Variants in RYR1 observed in about 807,000 individuals in gnomAD.
RYR1 encodes the protein ryanodine receptor 1.
Under a neutral mutation model 583.5 loss-of-function variants are expected in RYR1, and 342 were observed. The observed-to-expected ratio is 0.59, with a 90% confidence interval of 0.54 to 0.64. The LOEUF is 0.64. RYR1 is among the 30% of genes least tolerant of loss of function. RYR1 has a pLI of 0.00. For synonymous variants in RYR1, 2,791 were observed against 2,822.5 expected (o/e 0.99, Z 0.35); for missense variants, 6,032 against 6,917.2 (o/e 0.87, Z 4.54).
At chr19:38,556,526 C>A (rs995868106) in intron 89 of RYR1, among the ~76,000 whole-genome samples, 8 of 151,648 alleles carry the variant, frequency 5.3e-5, no homozygotes, top group Non-Finnish European at 8.8e-5. Flanking sequence ...ATCTAGTACA[C>A]TCAGGATATT....
At chr19:38,544,715 A>G (rs1469470269) in intron 87 of RYR1, among the ~76,000 whole-genome samples, 1 of 151,882 alleles carries the variant, frequency 6.6e-6, no homozygotes, top group African/African-American at 2.4e-5. Context: ...TTAGAATGCA[A>G]TTCCTCCGTG....
chr19:38,502,759 GGGC>G (rs1970208363), intron 48 of RYR1, 32 bp downstream of exon 48: 4 of 586,586 alleles, frequency 6.8e-6, no homozygotes, highest in African/African-American at 3.3e-5. Context: ...GGTGGGGCAG[GGGC>G]AGGGGCAGGG....
At chr19:38,539,095 A>G (rs1294148959) in intron 84 of RYR1, among the ~76,000 whole-genome samples, 1 of 152,166 alleles carries the variant, frequency 6.6e-6, no homozygotes, top group Non-Finnish European at 1.5e-5. Flanking sequence ...ACTGATTTGT[A>G]AATATCTTTA....
At chr19:38,557,288 CCT>C (rs1972922395) in intron 89 of RYR1, among the ~76,000 whole-genome samples, 1 of 152,160 alleles carries the variant, frequency 6.6e-6, no homozygotes, top group African/African-American at 2.4e-5. Context: ...CAGGCACTGC[CCT>C]GGTCCTGAAG....
At chr19:38,489,100 G>C in intron 34 of RYR1, 77 bp from the exon 35 acceptor site, 1 of 1,264,412 alleles carries the variant, frequency 7.9e-7, no homozygotes, top group Non-Finnish European at 1.2e-6. Flanking sequence ...ATGAGGGGCA[G>C]GTCTGGAGAA....
chr19:38,553,759 G>A (rs753470643), intron 89 of RYR1, among the ~76,000 whole-genome samples: 3 of 152,166 alleles, frequency 2.0e-5, no homozygotes, highest in East Asian at 1.9e-4. Context: ...AAGCCCTTTC[G>A]TTAGTTTCTT....
rs189263702 is a variant in RYR1 at position 38,548,246 on chromosome 19, C to T, written c.12108C>T (p.Asn4036=). 3.2e-5 allele frequency: 52 copies of T among 1,614,222 alleles called. No homozygotes were observed. The highest frequency in any genetic ancestry group is 3.5e-5 in the Non-Finnish European group (41 of 1,180,052). ...GGCTGCCTGCAGGGAACGTGGTGAACGGCATGATCGCCCGGCAGATGGTGG... is the reference window on the plus strand; with the variant it reads ...GGCTGCCTGCAGGGAACGTGGTGAATGGCATGATCGCCCGGCAGATGGTGG... ...LLSLLEGNVV[N]GMIARQMVDM... The change falls in exon 89 of 106, where the codon AAC becomes AAT. Residue 4036 remains asparagine, a synonymous_variant. Transcript: ENST00000359596.
intron 89 of RYR1, among the ~76,000 whole-genome samples, chr19:38,560,173 G>A (rs1469766324): frequency 6.6e-6 from 1 of 152,002 alleles, no homozygotes; most frequent in Non-Finnish European, 1.5e-5. Context: ...GGACAAGCCT[G>A]GGCAACATGG....
intron 29 of RYR1, among the ~76,000 whole-genome samples, chr19:38,476,149 A>G (rs1449348638): frequency 6.6e-6 from 1 of 152,028 alleles, no homozygotes; most frequent in Non-Finnish European, 1.5e-5. Flanking sequence ...CAGCCTCCTG[A>G]GCAGCTGGGA....
chr19:38,477,562 A>T, intron 29 of RYR1, 148 bp from the exon 30 acceptor site: 1 of 899,992 alleles, frequency 1.1e-6, no homozygotes. Context: ...AGAAACAGAC[A>T]TAACCAGGGG....
chr19:38,474,048 C>G (rs892702341), intron 28 of RYR1, among the ~76,000 whole-genome samples: 1 of 152,122 alleles, frequency 6.6e-6, no homozygotes, highest in Non-Finnish European at 1.5e-5. Flanking sequence ...AGGGCTTCGC[C>G]CAATGGACCT....
chr19:38,502,744 T>G lies in RYR1; in HGVS notation c.7835+17T>G. On this transcript the variant is annotated intron_variant, in intron 48 of 105. Coordinates refer to ENST00000359596, the MANE Select transcript of RYR1 (RefSeq NM_000540.3). ...GCTCTGCAGGTGGAGCGGGGCAGGC[T>G]TCAGGGTGGGGCAGGGGCAGGGGCA... 7.6e-7 allele frequency: 1 copy of G among 1,318,254 alleles called. No homozygotes were observed. Among genetic ancestry groups the G allele is most frequent in the Non-Finnish European group, 1.0e-6 (1 of 993,744 alleles). 81.7% of individuals were successfully genotyped at this position (1,318,254 alleles called of 1,614,324 possible). A position where few individuals can be genotyped will look rare whatever the true frequency, so the allele number is the denominator to read the frequency against.
In RYR1 at chr19:38,482,462, T is replaced by C. The variant is rs186064099; in HGVS notation, c.4621-565T>C. The stretch of plus-strand genomic sequence containing the variant: ...GTCTGAGGACACTTCCTGGAATTTT[T>C]TGTTTTGAGATAGGGTCTTGTTCTG... On this transcript the variant is annotated intron_variant, in intron 31 of 105. Transcript: ENST00000359596. Among the ~76,000 whole-genome samples, 4 of 152,086 alleles carry C rather than the reference T, an allele frequency of 2.6e-5. No individual in the cohort carries two copies. The East Asian group carries it at 5.8e-4, about 22-fold the overall frequency.
chr19:38,516,007 C>T (rs1970950025), intron 64 of RYR1, 80 bp from the exon 65 acceptor site: 5 of 1,491,840 alleles, frequency 3.4e-6, no homozygotes, highest in East Asian at 2.5e-5. Context: ...TGGGAGGAGC[C>T]GTTTCTATGG....
intron 63 of RYR1, among the ~76,000 whole-genome samples, chr19:38,514,115 C>T (rs1385364820): frequency 6.6e-6 from 1 of 151,756 alleles, no homozygotes; most frequent in African/African-American, 2.4e-5. Context: ...CTTAACTTGG[C>T]CTTCTGGAGG....
intron 22 of RYR1, 93 bp from the exon 23 acceptor site, chr19:38,464,546 G>A: frequency 9.6e-7 from 1 of 1,037,992 alleles, no homozygotes; most frequent in Non-Finnish European, 1.5e-6. Context: ...AGCAGCAGAG[G>A]TAGAGGGAGC....
intron 76 of RYR1, among the ~76,000 whole-genome samples, chr19:38,529,894 G>A (rs1364617460): frequency 1.3e-5 from 2 of 152,150 alleles, no homozygotes; most frequent in East Asian, 1.9e-4. Context: ...TCACTTAACC[G>A]CCACACTGTG....
At chr19:38,457,387 C>A in intron 16 of RYR1, 110 bp from the exon 17 acceptor site, 1 of 1,516,352 alleles carries the variant, frequency 6.6e-7, no homozygotes, top group South Asian at 1.1e-5. Flanking sequence ...ATTGCCACAT[C>A]TTATCCCGAT....
chr19:38,469,580 C>T, intron 27 of RYR1, 67 bp downstream of exon 27: 1 of 1,467,274 alleles, frequency 6.8e-7, no homozygotes, highest in Non-Finnish European at 9.5e-7. Context: ...CAGTGCTCTT[C>T]TTTGAGTTTC....
Sources: gnomAD v4.1 joint callset for allele counts (sites outside exome capture counted in the v4.1 genomes callset) on GRCh38, gnomAD v4.1.1 for gene constraint, MANE v1.5 for transcripts, NCBI Gene and HGNC (gene_info 2026-07-23, HGNC 2026-07-21) for gene names.